The following STK17A variants were observed in gnomAD, a reference collection of about 807,000 sequenced individuals.
STK17A encodes the protein serine/threonine-protein kinase 17A.
Under a neutral mutation model 43.7 loss-of-function variants are expected in STK17A, and 26 were observed. The ratio of observed to expected loss-of-function variants is 0.60; its 90% confidence interval spans 0.44 to 0.83. The LOEUF is 0.83. STK17A is among the 40% of genes least tolerant of loss of function. STK17A has a pLI of 0.00. For missense variants in STK17A, 476 were observed against 511.6 expected (o/e 0.93, Z 0.67); for synonymous variants, 191 against 182.5 (o/e 1.05, Z -0.38).
chr7:43,616,964 T>G (rs1361648102), intron 3 of STK17A, among the ~76,000 whole-genome samples: 1 of 152,186 alleles, frequency 6.6e-6, no homozygotes, highest in Non-Finnish European at 1.5e-5. Flanking sequence ...TCTATGGAAA[T>G]TGTTGTAATC....
intron 1 of STK17A, among the ~76,000 whole-genome samples, chr7:43,585,661 CAG>C (rs1292750248): frequency 6.6e-6 from 1 of 151,508 alleles, no homozygotes; most frequent in African/African-American, 2.4e-5. Flanking sequence ...TGGAGTCAGA[CAG>C]TGTGAGATTG....
At chr7:43,602,505 A>G (rs1000122265) in intron 2 of STK17A, among the ~76,000 whole-genome samples, 1 of 152,182 alleles carries the variant, frequency 6.6e-6, no homozygotes, top group African/African-American at 2.4e-5. Context: ...GTGTGCCAAA[A>G]TTAGTCTCCT....
chr7:43,623,548 G>C, intron 4 of STK17A, 24 bp from the exon 5 acceptor site: 1 of 1,600,332 alleles, frequency 6.2e-7, no homozygotes, highest in Non-Finnish European at 8.5e-7. Context: ...AAAACTAAAT[G>C]TTTTCTTCTC....
intron 5 of STK17A, 43 bp from the exon 6 acceptor site, chr7:43,623,666 G>T (rs1481042487): frequency 1.9e-6 from 3 of 1,606,244 alleles, no homozygotes; most frequent in East Asian, 2.2e-5. Flanking sequence ...TTCAAGAAAT[G>T]AGTATGGTAC....
At chr7:43,610,879 G>A (rs932508330) in intron 3 of STK17A, among the ~76,000 whole-genome samples, 2 of 152,156 alleles carry the variant, frequency 1.3e-5, no homozygotes, top group African/African-American at 4.8e-5. Context: ...CACTTTGGGA[G>A]GTCAAGGAGG....
At chr7:43,605,664 C>T (rs1436849756) in intron 2 of STK17A, among the ~76,000 whole-genome samples, 3 of 151,862 alleles carry the variant, frequency 2.0e-5, no homozygotes, top group African/African-American at 7.3e-5. Flanking sequence ...CATTCCACTT[C>T]TGCTTGGGTT....
chr7:43,608,479 A>T (rs1423081334), intron 3 of STK17A, 79 bp downstream of exon 3: 2 of 1,497,482 alleles, frequency 1.3e-6, no homozygotes, highest in Non-Finnish European at 1.8e-6. Flanking sequence ...ATTTATTCAA[A>T]CATGTTTCAC....
At position 43,625,443 on chromosome 7, in the gene STK17A, G is replaced by A. The variant is rs1163763696; in HGVS notation, c.*601G>A. The A allele has an allele frequency of 6.6e-6, 1 of 152,164 alleles. No individual in the cohort carries two copies. The highest frequency in any genetic ancestry group is 1.5e-5 in the Non-Finnish European group (1 of 68,030). The allele number at this position is 152,164 out of a possible 1,614,324, so 9.4% of individuals were successfully genotyped here. On this transcript the variant is annotated 3_prime_UTR_variant, in exon 7 of 7. Transcript: ENST00000319357. ...TTGCCTAAATACTAGTAACATATCA[G>A]TGAAAAACCCTAATTTTTTTTCTCT... is the stretch of plus-strand genomic sequence containing the variant.
Position 43,623,569 on chromosome 7 carries a change from T to C in STK17A, c.692-3T>C, listed in dbSNP as rs1320738903. ...AAATGTTTTCTTCTCTTTCTGATAC[T>C]AGCTCCTGAAATTCTTAGTTATGAT... On this transcript the variant is annotated splice_region_variant and splice_polypyrimidine_tract_variant and intron_variant, in intron 4 of 6. Coordinates refer to ENST00000319357, the MANE Select transcript of STK17A (RefSeq NM_004760.3). The C allele has an allele frequency of 6.2e-7, 1 of 1,608,444 alleles. No individual in the cohort carries two copies. Among genetic ancestry groups the C allele is most frequent in the Admixed American group, 1.7e-5 (1 of 59,268 alleles).
intron 4 of STK17A, among the ~76,000 whole-genome samples, chr7:43,621,023 T>A (rs6976872): frequency 0.56 from 85,389 of 151,932 alleles, 24,538 homozygotes; most frequent in Non-Finnish European, 0.63. Flanking sequence ...AAAAGGAGTG[T>A]GTAGTTCTTG....
At chr7:43,611,803 T>G (rs1247996120) in intron 3 of STK17A, among the ~76,000 whole-genome samples, 1 of 152,238 alleles carries the variant, frequency 6.6e-6, no homozygotes, top group African/African-American at 2.4e-5. Flanking sequence ...GATGTTTTAC[T>G]AGTCTTATGA....
chr7:43,622,095 T>C (rs1436897969), intron 4 of STK17A, among the ~76,000 whole-genome samples: 1 of 152,228 alleles, frequency 6.6e-6, no homozygotes, highest in African/African-American at 2.4e-5. Context: ...AAACCAGTAT[T>C]CAGCACATAA....
chr7:43,598,569 C>G (rs961569690), intron 2 of STK17A, among the ~76,000 whole-genome samples: 33 of 151,838 alleles, frequency 2.2e-4, no homozygotes, highest in African/African-American at 7.0e-4. Flanking sequence ...TAACTGTGGT[C>G]CTCTGAAATA....
chr7:43,620,136 G>T (rs1364220030), intron 4 of STK17A, among the ~76,000 whole-genome samples: 2 of 152,168 alleles, frequency 1.3e-5, no homozygotes, highest in African/African-American at 4.8e-5. Context: ...AGGGCATTTG[G>T]TTGGATCCAT....
At chr7:43,605,091 A>T (rs2082579862) in intron 2 of STK17A, among the ~76,000 whole-genome samples, 1 of 152,152 alleles carries the variant, frequency 6.6e-6, no homozygotes, top group Non-Finnish European at 1.5e-5. Context: ...TAAATCTTTG[A>T]GCATCTTTAT....
intron 3 of STK17A, among the ~76,000 whole-genome samples, chr7:43,617,430 T>C (rs1475006816): frequency 6.6e-6 from 1 of 152,182 alleles, no homozygotes; most frequent in Non-Finnish European, 1.5e-5. Flanking sequence ...AGTCTAGAAA[T>C]GCTTGGAATT....
At chr7:43,607,521 C>T (rs981649061) in intron 2 of STK17A, among the ~76,000 whole-genome samples, 1 of 151,760 alleles carries the variant, frequency 6.6e-6, no homozygotes, top group Non-Finnish European at 1.5e-5. Context: ...TGGTGGCCCA[C>T]GCCTGTAGTC....
At chr7:43,596,743 C>T (rs1229756319) in intron 2 of STK17A, among the ~76,000 whole-genome samples, 3 of 151,904 alleles carry the variant, frequency 2.0e-5, no homozygotes, top group Non-Finnish European at 4.4e-5. Flanking sequence ...TGGCATGTGC[C>T]TGTAATCCCA....
At chr7:43,616,750 A>G (rs1583678267) in intron 3 of STK17A, among the ~76,000 whole-genome samples, 1 of 151,914 alleles carries the variant, frequency 6.6e-6, no homozygotes, top group Admixed American at 6.6e-5. Context: ...ACAAAAAATT[A>G]GCCGGGCGTG....
Sources: gnomAD v4.1 joint callset for allele counts (sites outside exome capture counted in the v4.1 genomes callset) on GRCh38, gnomAD v4.1.1 for gene constraint, MANE v1.5 for transcripts, NCBI Gene and HGNC (gene_info 2026-07-23, HGNC 2026-07-21) for gene names.